The following PCSK6 variants were observed in gnomAD, a reference collection of about 807,000 sequenced individuals.
PCSK6 encodes the protein paired basic amino acid cleaving enzyme 4.
Under a neutral mutation model 123.3 loss-of-function variants are expected in PCSK6, and 85 were observed. That is an observed-to-expected ratio of 0.69 (90% CI 0.58 to 0.83). The LOEUF (loss-of-function observed/expected upper bound fraction) is 0.83, where lower values mean the gene tolerates loss of function less well. PCSK6 is among the 40% of genes least tolerant of loss of function. PCSK6 has a pLI of 0.00. For synonymous variants in PCSK6, 508 were observed against 516.0 expected (o/e 0.98, Z 0.21); for missense variants, 1,191 against 1,282.3 (o/e 0.93, Z 1.09).
intron 13 of PCSK6, among the ~76,000 whole-genome samples, chr15:101,352,362 T>C (rs1457296023): frequency 1.3e-5 from 2 of 152,104 alleles, no homozygotes; most frequent in Non-Finnish European, 2.9e-5. Context: ...TTAGCCAGGA[T>C]GGTCTTGGAT....
intron 15 of PCSK6, 149 bp downstream of exon 15, chr15:101,331,502 G>C (rs2040369831): frequency 1.4e-6 from 1 of 710,798 alleles, no homozygotes; most frequent in Admixed American, 2.1e-5. Context: ...TCAGGAGGCT[G>C]AGCTGTGAGA....
intron 1 of PCSK6, among the ~76,000 whole-genome samples, chr15:101,473,100 A>T (rs2057645657): frequency 6.6e-6 from 1 of 152,114 alleles, no homozygotes; most frequent in Non-Finnish European, 1.5e-5. Context: ...CTAGAGACAG[A>T]GTCTCGCTCT....
Position 101,459,867 on chromosome 15 carries a change from G to A in PCSK6, c.298-16207C>T, listed in dbSNP as rs921308488. On this transcript the variant is annotated intron_variant, in intron 1 of 21. Transcript: ENST00000611716. ...CTCCTTAGAACCCTAGACAGCCCACGCCCCCACCTTCTGAAACATTTTTAA... is the reference window on the plus strand; with the variant it reads ...CTCCTTAGAACCCTAGACAGCCCACACCCCCACCTTCTGAAACATTTTTAA... Among the ~76,000 whole-genome samples the A allele has an allele frequency of 5.9e-5, 9 of 151,786 alleles. No individual in the cohort carries two copies. In the South Asian group the frequency reaches 1.0e-3, roughly 18 times the overall value.
intron 13 of PCSK6, among the ~76,000 whole-genome samples, chr15:101,348,168 C>T (rs993119220): frequency 8.4e-6 from 1 of 119,032 alleles, no homozygotes; most frequent in South Asian, 2.7e-4. Context: ...CCCGCTGGGT[C>T]GGACCGGCCC....
At chr15:101,437,320 C>T (rs1199242092) in intron 2 of PCSK6, among the ~76,000 whole-genome samples, 7 of 152,262 alleles carry the variant, frequency 4.6e-5, no homozygotes, top group Admixed American at 1.3e-4. Context: ...GGCCCACCTC[C>T]GGCGCAGCAC....
At chr15:101,409,183 C>T (rs1486969471) in intron 6 of PCSK6, among the ~76,000 whole-genome samples, 1 of 152,196 alleles carries the variant, frequency 6.6e-6, no homozygotes, top group South Asian at 2.1e-4. Flanking sequence ...GGAGGCTGAG[C>T]GCGGGGGCTC....
At chr15:101,431,664 C>G (rs1376574683) in intron 3 of PCSK6, among the ~76,000 whole-genome samples, 2 of 152,236 alleles carry the variant, frequency 1.3e-5, no homozygotes, top group East Asian at 3.8e-4. Context: ...TTTTCTGCAC[C>G]TGCAATCTAT....
At chr15:101,354,235 A>G (rs2040977637) in intron 13 of PCSK6, among the ~76,000 whole-genome samples, 1 of 152,304 alleles carries the variant, frequency 6.6e-6, no homozygotes, top group East Asian at 1.9e-4. Flanking sequence ...ACATATACCT[A>G]ATGCCCACAT....
intron 13 of PCSK6, among the ~76,000 whole-genome samples, chr15:101,341,154 T>C (rs960814407): frequency 5.3e-5 from 8 of 151,858 alleles, no homozygotes; most frequent in Non-Finnish European, 7.4e-5. Flanking sequence ...AGGCTGGTCT[T>C]GAACTCCGAA....
intron 2 of PCSK6, among the ~76,000 whole-genome samples, chr15:101,435,849 G>A (rs72772630): frequency 0.24 from 36,908 of 152,092 alleles, 4,664 homozygotes; most frequent in African/African-American, 0.3. Flanking sequence ...GGCCCTGCCC[G>A]CGTTCCAGTA....
intron 1 of PCSK6, among the ~76,000 whole-genome samples, chr15:101,478,611 T>G (rs1022576907): frequency 6.6e-6 from 1 of 152,150 alleles, no homozygotes; most frequent in African/African-American, 2.4e-5. Flanking sequence ...GTTCTGAGCT[T>G]CAGAGAACAC....
chr15:101,467,668 G>A (rs2057496824), intron 1 of PCSK6, among the ~76,000 whole-genome samples: 1 of 152,232 alleles, frequency 6.6e-6, no homozygotes, highest in Non-Finnish European at 1.5e-5. Context: ...GTTCACAGCA[G>A]TGAAAGTAAG....
At chr15:101,412,700 T>C (rs2055734952) in intron 6 of PCSK6, among the ~76,000 whole-genome samples, 1 of 142,494 alleles carries the variant, frequency 7.0e-6, no homozygotes, top group African/African-American at 2.6e-5. Flanking sequence ...ATTATATATA[T>C]ATATATATAT....
intron 5 of PCSK6, 104 bp from the exon 6 acceptor site, chr15:101,428,084 C>T (rs183181986): frequency 2.1e-6 from 2 of 932,332 alleles, no homozygotes; most frequent in East Asian, 5.4e-5. Context: ...TGTCCGAAGC[C>T]CAGAGATGTC....
chr15:101,459,951 C>T (rs565319624), intron 1 of PCSK6, among the ~76,000 whole-genome samples: 1 of 152,314 alleles, frequency 6.6e-6, no homozygotes, highest in Non-Finnish European at 1.5e-5. Context: ...CTTAGATTCA[C>T]AGGTCTGTAA....
intron 1 of PCSK6, among the ~76,000 whole-genome samples, chr15:101,462,873 C>T (rs60629124): frequency 0.04 from 6,055 of 152,132 alleles, 273 homozygotes; most frequent in African/African-American, 0.11. Flanking sequence ...TTTCCTCTAC[C>T]GTGCTTTCAG....
At chr15:101,380,739 C>G (rs554126719) in intron 11 of PCSK6, among the ~76,000 whole-genome samples, 1 of 152,326 alleles carries the variant, frequency 6.6e-6, no homozygotes, top group East Asian at 1.9e-4. Flanking sequence ...CCACCAGACA[C>G]ATTTTTCTCA....
At chr15:101,382,040 A>G in intron 11 of PCSK6, 52 bp downstream of exon 11, 1 of 1,251,966 alleles carries the variant, frequency 8.0e-7, no homozygotes, top group South Asian at 1.3e-5. Flanking sequence ...CAACAGAGTC[A>G]GCTCCAAACC....
intron 8 of PCSK6, among the ~76,000 whole-genome samples, chr15:101,390,295 G>A (rs934431692): frequency 2.0e-5 from 3 of 152,266 alleles, no homozygotes; most frequent in South Asian, 2.1e-4. Context: ...GGACTCAAAC[G>A]GGAAGTGGGT....
Sources: allele counts gnomAD v4.1 joint callset (sites outside exome capture counted in the v4.1 genomes callset), GRCh38; gene constraint gnomAD v4.1.1; transcripts MANE v1.5; gene names NCBI Gene and HGNC (gene_info 2026-07-23, HGNC 2026-07-21).